APBB2: variants seen among roughly 807,000 people sequenced by gnomAD.
The protein encoded by APBB2 is Fe65-like 1.
In APBB2, 38 loss-of-function variants were observed where a neutral mutation model predicts 82.5. The observed-to-expected ratio is 0.46, with a 90% CI of 0.36 to 0.60. The LOEUF (loss-of-function observed/expected upper bound fraction) is 0.60. Among genes scored for constraint, APBB2 ranks in the 20% least tolerant of loss-of-function variants. APBB2 has a pLI of 0.00. For synonymous variants in APBB2, 341 were observed against 368.2 expected (o/e 0.93, Z 0.85); for missense variants, 772 against 972.3 (o/e 0.79, Z 2.74).
chr4:40,988,564 G>A (rs1417770080), intron 6 of APBB2, among the ~76,000 whole-genome samples: 3 of 143,638 alleles, frequency 2.1e-5, no homozygotes, highest in Non-Finnish European at 3.1e-5. Context: ...CTTGAACCCA[G>A]GAGGCGGAGA....
At chr4:40,936,738 C>T (rs1417404396) in intron 7 of APBB2, among the ~76,000 whole-genome samples, 13 of 152,186 alleles carry the variant, frequency 8.5e-5, no homozygotes, top group Admixed American at 8.5e-4. Context: ...AATAATTTCT[C>T]TTAATGAATA....
intron 3 of APBB2, among the ~76,000 whole-genome samples, chr4:41,085,769 G>C (rs1469036367): frequency 1.3e-5 from 2 of 151,988 alleles, no homozygotes; most frequent in Non-Finnish European, 2.9e-5. Context: ...GTAAGGCAAA[G>C]GTGCCTTTTT....
At chr4:40,975,643 T>G (rs1482929567) in intron 6 of APBB2, among the ~76,000 whole-genome samples, 1 of 152,036 alleles carries the variant, frequency 6.6e-6, no homozygotes, top group Non-Finnish European at 1.5e-5. Context: ...ATGCTTTATC[T>G]CATATAATCT....
At position 41,161,181 on chromosome 4, in the gene APBB2, A is replaced by C. The variant is rs1244813112; in HGVS notation, c.-416-18039T>G. On this transcript the variant is annotated intron_variant, in intron 1 of 17. Transcript: ENST00000508593. ...ATCCTCTTCCCTGGCAAAAAAAAAAAAAAAAAAAAAAAACGTGGTAAGTTT... is the reference window on the plus strand; with the variant it reads ...ATCCTCTTCCCTGGCAAAAAAAAAACAAAAAAAAAAAAACGTGGTAAGTTT... Among the ~76,000 whole-genome samples, 3 of 151,976 alleles carry C rather than the reference A, an allele frequency of 2.0e-5. No individual in the cohort carries two copies. In the East Asian group the frequency reaches 5.8e-4, roughly 29 times the overall value.
chr4:41,206,507 C>A (rs1228703952), intron 1 of APBB2, among the ~76,000 whole-genome samples: 1 of 152,188 alleles, frequency 6.6e-6, no homozygotes, highest in African/African-American at 2.4e-5. Flanking sequence ...TCTCTCTTCA[C>A]CAGTGTCCTG....
At chr4:41,043,963 G>A (rs1434563197) in intron 4 of APBB2, among the ~76,000 whole-genome samples, 1 of 152,186 alleles carries the variant, frequency 6.6e-6, no homozygotes, top group East Asian at 1.9e-4. Context: ...GCTAGATTCA[G>A]AGGCTTGAAC....
intron 12 of APBB2, among the ~76,000 whole-genome samples, chr4:40,888,238 T>C (rs1339283557): frequency 6.6e-6 from 1 of 152,270 alleles, no homozygotes; most frequent in Non-Finnish European, 1.5e-5. Flanking sequence ...TGATCCTCAC[T>C]TCACAGATGA....
chr4:41,164,360 G>A (rs1765952917), intron 1 of APBB2, among the ~76,000 whole-genome samples: 1 of 152,182 alleles, frequency 6.6e-6, no homozygotes, highest in Non-Finnish European at 1.5e-5. Context: ...CGTAAGCAGT[G>A]TGCACATTAC....
chr4:40,950,113 T>C (rs1310626869), intron 6 of APBB2, among the ~76,000 whole-genome samples: 1 of 152,176 alleles, frequency 6.6e-6, no homozygotes, highest in Non-Finnish European at 1.5e-5. Context: ...CATCTTAAAA[T>C]GCCTCAAGTC....
At chr4:40,902,318 G>A (rs1290009918) in intron 10 of APBB2, among the ~76,000 whole-genome samples, 2 of 152,200 alleles carry the variant, frequency 1.3e-5, no homozygotes, top group African/African-American at 2.4e-5. Flanking sequence ...AAGCTTTCTA[G>A]TTAGCATCAC....
At chr4:41,165,913 A>C (rs545404861) in intron 1 of APBB2, among the ~76,000 whole-genome samples, 122 of 128,922 alleles carry the variant, frequency 9.5e-4, no homozygotes, top group African/African-American at 3.6e-3. Flanking sequence ...TCGCTCTGTC[A>C]CCCAGCCTGG....
rs192324909 is a variant in APBB2 at position 41,142,369 on chromosome 4, C to T, written c.-261+618G>A. ...GAGCATTTGGCATTTATTTAAACAC[C>T]TATGTTTTTCAGGACATTCTCTTCC... On this transcript the variant is annotated intron_variant, in intron 2 of 17. Transcript: ENST00000508593. Among the ~76,000 whole-genome samples the T allele has an allele frequency of 4.6e-5, 7 of 151,536 alleles. No homozygotes were observed. In the East Asian group the frequency reaches 1.4e-3, roughly 29 times the overall value.
intron 12 of APBB2, chr4:40,848,959 C>T (rs1026256643): frequency 4.2e-5 from 41 of 966,700 alleles, no homozygotes; most frequent in South Asian, 4.8e-5. Context: ...AAAGCTCATG[C>T]GAGCAAGAAC....
intron 12 of APBB2, among the ~76,000 whole-genome samples, chr4:40,849,188 CTT>C (rs2154322213): frequency 6.6e-6 from 1 of 152,270 alleles, no homozygotes; most frequent in East Asian, 1.9e-4. Context: ...TTTAAAATGA[CTT>C]TGGTTCATAT....
At chr4:41,025,991 T>TA (rs1714027809) in intron 5 of APBB2, among the ~76,000 whole-genome samples, 1 of 146,014 alleles carries the variant, frequency 6.8e-6, no homozygotes, top group African/African-American at 2.5e-5. Context: ...GGTACATATA[T>TA]ACCATGGAAT....
chr4:41,085,250 C>CAAAAA (rs71198629), intron 3 of APBB2, among the ~76,000 whole-genome samples: 2 of 66,180 alleles, frequency 3.0e-5, no homozygotes, highest in African/African-American at 1.3e-4. Flanking sequence ...GACTCTGTCT[C>CAAAAA]AAAAAAAAAA....
At chr4:40,903,322 C>G (rs948335000) in intron 10 of APBB2, among the ~76,000 whole-genome samples, 2 of 151,970 alleles carry the variant, frequency 1.3e-5, no homozygotes, top group African/African-American at 4.8e-5. Context: ...CAAAAATCAG[C>G]TGAGTGTGGT....
chr4:40,897,361 A>G (rs1322689583), intron 10 of APBB2, among the ~76,000 whole-genome samples: 1 of 152,182 alleles, frequency 6.6e-6, no homozygotes, highest in South Asian at 2.1e-4. Context: ...AAAATTAGCC[A>G]GGTGTGGTGG....
intron 6 of APBB2, among the ~76,000 whole-genome samples, chr4:40,949,970 G>C (rs1010719209): frequency 6.6e-6 from 1 of 152,140 alleles, no homozygotes; most frequent in African/African-American, 2.4e-5. Context: ...TTCGGCACTG[G>C]ACAGCCTAAA....
Sources: allele counts gnomAD v4.1 joint callset (sites outside exome capture counted in the v4.1 genomes callset), GRCh38; gene constraint gnomAD v4.1.1; transcripts MANE v1.5; gene names NCBI Gene and HGNC (gene_info 2026-07-23, HGNC 2026-07-21).